Variants in RNF170 observed in about 807,000 individuals in gnomAD.
The protein encoded by RNF170 is E3 ubiquitin-protein ligase RNF170.
In RNF170, 12 loss-of-function variants were observed where a neutral mutation model predicts 32.7. The observed-to-expected ratio is 0.37, with a 90% CI of 0.24 to 0.60. The LOEUF is 0.60. RNF170 is among the 20% of genes least tolerant of loss of function. The probability of loss-of-function intolerance (pLI) is 0.72; values close to 1 mark genes in which losing one functional copy is unlikely to be tolerated. For synonymous variants in RNF170, 91 were observed against 103.6 expected, an observed-to-expected ratio of 0.88 and a Z score of 0.74; for missense variants, 212 against 311.2, an observed-to-expected ratio of 0.68 and a Z score of 2.40.
At chr8:42,897,143 A>G (rs1807004473), upstream of RNF170, 44 of 1,247,276 alleles carry the variant, frequency 3.5e-5, no homozygotes, top group Non-Finnish European at 4.4e-5. Flanking sequence ...TGTTCAGCGT[A>G]GAGTCGCTGG....
At chr8:42,872,684 G>T (rs1305079492) in intron 3 of RNF170, among the ~76,000 whole-genome samples, 2 of 151,996 alleles carry the variant, frequency 1.3e-5, no homozygotes, top group Non-Finnish European at 2.9e-5. Flanking sequence ...CTCGTGATCT[G>T]CTTGCCTTGG....
intron 1 of RNF170, among the ~76,000 whole-genome samples, chr8:42,890,248 T>C (rs1806183574): frequency 1.3e-5 from 2 of 150,030 alleles, no homozygotes; most frequent in South Asian, 2.1e-4. Context: ...TTGACTACTA[T>C]GTGATTATAT....
upstream of RNF170, chr8:42,896,684 C>A (rs1382129220): frequency 7.1e-6 from 3 of 422,366 alleles, no homozygotes; most frequent in Non-Finnish European, 9.5e-6. Context: ...GCCGCAGCCT[C>A]CAGGGCGGAG....
At position 42,858,427 on chromosome 8, in the gene RNF170, T is replaced by C. The variant is rs137950785; in HGVS notation, c.508-1999A>G. Among the ~76,000 whole-genome samples, 105 of 152,312 alleles carry C rather than the reference T, an allele frequency of 6.9e-4. 1 individual carries two copies. Among genetic ancestry groups the C allele is most frequent in the African/African-American group, 2.5e-3 (102 of 41,570 alleles). On this transcript the variant is annotated intron_variant, in intron 6 of 6. Coordinates refer to ENST00000527424, the MANE Select transcript of RNF170 (RefSeq NM_030954.4). Reference sequence around the variant, plus strand: ...GGGAGCAGCAGTATCAATTCTTATCTTAACAGTAATTCATTTATTCAACAC... The same window carrying C: ...GGGAGCAGCAGTATCAATTCTTATCCTAACAGTAATTCATTTATTCAACAC...
chr8:42,889,309 C>T (rs915895105), intron 1 of RNF170: 1 of 152,036 alleles, frequency 6.6e-6, no homozygotes. Flanking sequence ...GTACCTAATT[C>T]TATAGGTATG....
intron 6 of RNF170, among the ~76,000 whole-genome samples, chr8:42,857,864 G>A (rs1214918333): frequency 1.3e-5 from 2 of 152,054 alleles, no homozygotes; most frequent in Non-Finnish European, 2.9e-5. Context: ...GTGAAACCCC[G>A]TCTCTACTAA....
rs377202572 is a variant in RNF170, at chr8:42,875,163, C to G, written c.138-1157G>C. 2.2e-3 allele frequency among the ~76,000 whole-genome samples: 325 copies of G among 146,788 alleles called. 1 individual carries two copies. Among genetic ancestry groups the G allele is most frequent in the South Asian group, 0.011 (52 of 4,676 alleles). ...TCCAGCCTGGGCAACAAGAGCAAAA[C>G]CGTCTTAAAAAAAAAAAAAAAAAGA... On this transcript the variant is annotated intron_variant, in intron 2 of 6. Transcript: ENST00000527424.
intron 3 of RNF170, among the ~76,000 whole-genome samples, chr8:42,870,610 G>T (rs977584056): frequency 1.3e-5 from 2 of 152,046 alleles, no homozygotes; most frequent in Non-Finnish European, 2.9e-5. Context: ...TGCGCCTGTA[G>T]TCCCAGCTAC....
intron 2 of RNF170, among the ~76,000 whole-genome samples, chr8:42,875,003 C>T (rs917274252): frequency 6.6e-6 from 1 of 151,708 alleles, no homozygotes; most frequent in Admixed American, 6.6e-5. Context: ...GAAACCCTGT[C>T]TCTATTAAAA....
intron 1 of RNF170, chr8:42,896,161 C>G (rs1349262967): frequency 1.3e-5 from 3 of 223,716 alleles, no homozygotes; most frequent in Non-Finnish European, 9.2e-6. Context: ...GGCGAGCGGG[C>G]GCACACCCCT....
In RNF170 at chr8:42,855,130, T is replaced by A. The variant is rs1447383834; in HGVS notation, c.*1029A>T. 7.8e-7 allele frequency: 1 copy of A among 1,287,190 alleles called. No homozygotes were observed. The highest frequency in any genetic ancestry group is 2.3e-5 in the Admixed American group (1 of 43,554). 79.7% of individuals were successfully genotyped at this position (1,287,190 alleles called of 1,614,324 possible). On this transcript the variant is annotated 3_prime_UTR_variant, in exon 7 of 7. Coordinates refer to ENST00000527424, the MANE Select transcript of RNF170 (RefSeq NM_030954.4). ...CCAGGTTCCTAAAACAATCTTCCCT[T>A]TACAAATTACTTTTATATCTACTAC...
chr8:42,861,284 T>C (rs1442812585), intron 6 of RNF170: 1 of 153,218 alleles, frequency 6.5e-6, no homozygotes, highest in Admixed American at 6.5e-5. Flanking sequence ...ATGTAGTGAT[T>C]GGCAGCAATG....
chr8:42,868,135 A>G (rs1052908059), intron 4 of RNF170, among the ~76,000 whole-genome samples: 1 of 152,256 alleles, frequency 6.6e-6, no homozygotes, highest in South Asian at 2.1e-4. Flanking sequence ...TAGCTACTTA[A>G]GTGAAAACCT....
intron 4 of RNF170, among the ~76,000 whole-genome samples, chr8:42,867,868 T>C (rs1172004316): frequency 2.0e-5 from 3 of 151,138 alleles, no homozygotes; most frequent in Non-Finnish European, 4.4e-5. Context: ...AAAGAAAGGA[T>C]TTGAACTGAA....
intron 4 of RNF170, among the ~76,000 whole-genome samples, chr8:42,867,907 G>A (rs1180905037): frequency 6.6e-6 from 1 of 151,988 alleles, no homozygotes; most frequent in Non-Finnish European, 1.5e-5. Context: ...ATTTAGATAG[G>A]CAGAAAACAA....
chr8:42,863,695 C>T (rs550909749), intron 5 of RNF170, among the ~76,000 whole-genome samples: 1 of 152,330 alleles, frequency 6.6e-6, no homozygotes, highest in African/African-American at 2.4e-5. Context: ...CCGCCTCAGC[C>T]TCCCAAAGTG....
At chr8:42,886,646 C>T (rs956205781) in intron 2 of RNF170, among the ~76,000 whole-genome samples, 1 of 152,038 alleles carries the variant, frequency 6.6e-6, no homozygotes, top group Non-Finnish European at 1.5e-5. Context: ...AGGCTAGTCT[C>T]GAACTCCTGA....
intron 5 of RNF170, among the ~76,000 whole-genome samples, chr8:42,862,479 C>T (rs1033878682): frequency 6.6e-6 from 1 of 152,152 alleles, no homozygotes. Flanking sequence ...GGTAATCTGA[C>T]GGTGACAGTA....
intron 2 of RNF170, among the ~76,000 whole-genome samples, chr8:42,878,442 C>G (rs1236707188): frequency 6.6e-6 from 1 of 152,142 alleles, no homozygotes; most frequent in Non-Finnish European, 1.5e-5. Context: ...TGGAGAAAGT[C>G]TGAGTACTCT....
Sources: gnomAD v4.1 joint callset for allele counts (sites outside exome capture counted in the v4.1 genomes callset) on GRCh38, gnomAD v4.1.1 for gene constraint, MANE v1.5 for transcripts, NCBI Gene and HGNC (gene_info 2026-07-23, HGNC 2026-07-21) for gene names.